Variants in SCGN observed in about 807,000 individuals in gnomAD.
SCGN encodes the protein secretagogin, EF-hand calcium binding protein.
SCGN carries 30 observed loss-of-function variants against 39.7 expected under a neutral mutation model. That is an observed-to-expected ratio of 0.76 (90% confidence interval 0.57 to 1.03). SCGN has a LOEUF of 1.03. Ranked by LOEUF, SCGN falls within the 50% of genes least tolerant of loss-of-function variation. SCGN has a pLI of 0.00. For synonymous variants in SCGN, 106 were observed against 114.1 expected, an observed-to-expected ratio of 0.93 and a Z score of 0.45; for missense variants, 353 against 349.4, an observed-to-expected ratio of 1.01 and a Z score of -0.08.
chr6:25,690,206 A>G (rs1759757860), intron 9 of SCGN, among the ~76,000 whole-genome samples: 1 of 152,210 alleles, frequency 6.6e-6, no homozygotes, highest in Non-Finnish European at 1.5e-5. Context: ...CTAGGTTTGA[A>G]TCATGGCTTA....
chr6:25,697,148 G>A (rs1759849307), intron 10 of SCGN, among the ~76,000 whole-genome samples: 1 of 152,140 alleles, frequency 6.6e-6, no homozygotes, highest in South Asian at 2.1e-4. Flanking sequence ...GAACACCAAT[G>A]TAATTTCTTA....
intron 7 of SCGN, among the ~76,000 whole-genome samples, chr6:25,683,815 CA>C (rs1759668281): frequency 6.6e-6 from 1 of 152,106 alleles, no homozygotes; most frequent in African/African-American, 2.4e-5. Context: ...CCAAATGAGA[CA>C]AAGTATGTTA....
chr6:25,674,843 TG>T (rs1759544912), intron 6 of SCGN, among the ~76,000 whole-genome samples: 1 of 152,186 alleles, frequency 6.6e-6, no homozygotes, highest in Non-Finnish European at 1.5e-5. Context: ...AATTTAGAGG[TG>T]CTGCCAACAC....
At chr6:25,683,239 A>T (rs1042081681) in intron 7 of SCGN, among the ~76,000 whole-genome samples, 2 of 152,204 alleles carry the variant, frequency 1.3e-5, no homozygotes, top group Non-Finnish European at 2.9e-5. Context: ...CTCTTGGTCA[A>T]TGGAGGCAGG....
intron 2 of SCGN, among the ~76,000 whole-genome samples, chr6:25,659,664 C>G (rs2151377281): frequency 6.6e-6 from 1 of 152,244 alleles, no homozygotes; most frequent in Non-Finnish European, 1.5e-5. Context: ...TATTAGTCTT[C>G]ATATGTTAAG....
At position 25,698,232 on chromosome 6, in the gene SCGN, A is replaced by C. The variant is rs77517868; in HGVS notation, c.703-2975A>C. On this transcript the variant is annotated intron_variant, in intron 10 of 10. Transcript: ENST00000377961. ...AAAGGTCCAAAGGAACTTCCTTTAC[A>C]TACATCCACATTCATTCCCACATCC... Among the ~76,000 whole-genome samples the C allele has an allele frequency of 1.0e-3, 152 of 152,342 alleles. 2 individuals are homozygous for C. In the East Asian group the frequency reaches 0.024, roughly 24 times the overall value.
intron 4 of SCGN, among the ~76,000 whole-genome samples, chr6:25,667,573 A>G (rs1463398119): frequency 6.6e-6 from 1 of 152,216 alleles, no homozygotes; most frequent in African/African-American, 2.4e-5. Flanking sequence ...AATTTTATGC[A>G]GTCAAGATTT....
intron 2 of SCGN, among the ~76,000 whole-genome samples, chr6:25,653,958 T>C (rs370679229): frequency 6.6e-6 from 1 of 152,224 alleles, no homozygotes; most frequent in African/African-American, 2.4e-5. Flanking sequence ...ACAACCAGCA[T>C]ACTCAGAGCC....
At chr6:25,684,725 G>A (rs9366626) in intron 7 of SCGN, among the ~76,000 whole-genome samples, 60,293 of 151,968 alleles carry the variant, frequency 0.4, 12,615 homozygotes, top group East Asian at 0.7. Context: ...CAGGAGAATC[G>A]CTTGAACTCA....
chr6:25,669,756 C>G (rs1181308645), intron 5 of SCGN, among the ~76,000 whole-genome samples, 189 bp downstream of exon 5: 2 of 152,074 alleles, frequency 1.3e-5, no homozygotes, highest in African/African-American at 2.4e-5. Flanking sequence ...TCACATTGCT[C>G]TCTCTGGAAA....
At chr6:25,654,445 T>C (rs1171209969) in intron 2 of SCGN, among the ~76,000 whole-genome samples, 1 of 152,190 alleles carries the variant, frequency 6.6e-6, no homozygotes, top group Admixed American at 6.5e-5. Flanking sequence ...CTCTCTTTTT[T>C]ATGTCTATCT....
chr6:25,678,350 A>C (rs528290033), intron 6 of SCGN, among the ~76,000 whole-genome samples: 1 of 152,296 alleles, frequency 6.6e-6, no homozygotes, highest in Admixed American at 6.5e-5. Flanking sequence ...GTAAAGAGGG[A>C]GGAAAAATTC....
At position 25,653,380 on chromosome 6, in the gene SCGN, AG is replaced by A. The variant is rs60502981; in HGVS notation, c.83-1del. ...TATTTATGTTTATTTTCTCACATTT[AG>A]AAAAAGGTTACATAGAAGAGAAGGA... On this transcript the variant is annotated splice_acceptor_variant, in intron 1 of 10. Coordinates refer to ENST00000377961, the MANE Select transcript of SCGN (RefSeq NM_006998.4). LOFTEE classifies it high-confidence loss of function. 2,791 of 1,595,876 alleles carry A rather than the reference AG, an allele frequency of 1.7e-3. 34 individuals carry two copies. The African/African-American group carries it at 0.029, about 17-fold the overall frequency.
At chr6:25,700,146 G>A (rs1382370618) in intron 10 of SCGN, among the ~76,000 whole-genome samples, 1 of 149,776 alleles carries the variant, frequency 6.7e-6, no homozygotes, top group East Asian at 2.0e-4. Flanking sequence ...TCGGGAAGCT[G>A]AGATGGGAGA....
At chr6:25,668,667 A>G (rs1453881473) in intron 4 of SCGN, among the ~76,000 whole-genome samples, 1 of 151,696 alleles carries the variant, frequency 6.6e-6, no homozygotes, top group African/African-American at 2.4e-5. Context: ...CAGTTTTCTC[A>G]TAAAACTGCA....
chr6:25,693,930 T>A (rs1051091250), intron 10 of SCGN, among the ~76,000 whole-genome samples: 21 of 152,210 alleles, frequency 1.4e-4, no homozygotes, highest in African/African-American at 5.1e-4. Flanking sequence ...ATCTGGAAGA[T>A]GGAAATTGTC....
At chr6:25,690,620 T>C (rs1343125882) in intron 9 of SCGN, among the ~76,000 whole-genome samples, 2 of 152,230 alleles carry the variant, frequency 1.3e-5, no homozygotes, top group African/African-American at 2.4e-5. Context: ...AACATGTTCA[T>C]TCAATGTAGT....
Position 25,701,609 on chromosome 6 carries a change from T to C in SCGN, c.*274T>C, listed in dbSNP as rs928669012. 2 of 282,102 alleles carry C rather than the reference T, an allele frequency of 7.1e-6. No homozygotes were observed. Among genetic ancestry groups the C allele is most frequent in the Non-Finnish European group, 6.5e-6 (1 of 153,054 alleles). The allele number at this position is 282,102 out of a possible 1,614,324, so 17.5% of individuals were successfully genotyped here. ...CTCCCCTGTTAGATGGCTCTGCCTG[T>C]CCTTCCCCAGTCACCAGGGTGGGGG... On this transcript the variant is annotated 3_prime_UTR_variant, in exon 11 of 11. Transcript: ENST00000377961.
At chr6:25,670,203 C>T (rs2151379133) in intron 6 of SCGN, 127 bp downstream of exon 6, 1 of 720,956 alleles carries the variant, frequency 1.4e-6, no homozygotes. Flanking sequence ...AAGAGGAAAC[C>T]TCAACTCTGA....
Sources: allele counts gnomAD v4.1 joint callset (sites outside exome capture counted in the v4.1 genomes callset), GRCh38; gene constraint gnomAD v4.1.1; transcripts MANE v1.5; gene names NCBI Gene and HGNC (gene_info 2026-07-23, HGNC 2026-07-21).